CREBBP: variants seen among roughly 807,000 people sequenced by gnomAD.
CREBBP encodes the protein CREB-binding protein.
A neutral mutation model predicts 265.0 loss-of-function variants in CREBBP; 19 were observed. The observed-to-expected ratio is 0.07, with a 90% CI of 0.05 to 0.11. The LOEUF is 0.11. CREBBP is among the 10% of genes least tolerant of loss of function. The pLI, the probability that CREBBP is intolerant of heterozygous loss-of-function variation, is 1.00. For missense variants in CREBBP, 2,525 were observed against 3,219.0 expected (o/e 0.78, Z 5.22); for synonymous variants, 1,457 against 1,223.7 (o/e 1.19, Z -3.98).
intron 30 of CREBBP, among the ~76,000 whole-genome samples, chr16:3,730,325 A>C (rs1283777295): frequency 6.6e-6 from 1 of 152,162 alleles, no homozygotes; most frequent in Non-Finnish European, 1.5e-5. Context: ...CAAACTATGA[A>C]GCCAGACAGT....
chr16:3,793,249 G>A (rs1425710149), intron 4 of CREBBP, 137 bp downstream of exon 4: 16 of 1,174,950 alleles, frequency 1.4e-5, no homozygotes, highest in African/African-American at 6.0e-5. Context: ...GAACGTGAGC[G>A]CAACATGTCT....
At chr16:3,751,674 A>C in intron 20 of CREBBP, 52 bp downstream of exon 20, 1 of 1,559,616 alleles carries the variant, frequency 6.4e-7, no homozygotes, top group African/African-American at 1.4e-5. Context: ...AGGAAAAAAC[A>C]ATTTAAGGTC....
chr16:3,731,061 G>A lies in CREBBP; in HGVS notation c.5172+131C>T, dbSNP rs143358704. 1.9e-3 allele frequency: 1,809 copies of A among 938,998 alleles called. 7 individuals are homozygous for A. The highest frequency in any genetic ancestry group is 2.4e-3 in the Non-Finnish European group (1,430 of 600,866). The allele number at this position is 938,998 out of a possible 1,614,324, so 58.2% of individuals were successfully genotyped here. ...GCAACGCCTTCTGCCTTGTGACGCT[G>A]TCCTAGTTCTGGAGGAGTCAGTGCA... On this transcript the variant is annotated intron_variant, in intron 30 of 30. Transcript: ENST00000262367. This position sits in a 1 kb window ranked among gnomAD's most constrained non-coding sequence, Gnocchi z 7.7.
Position 3,736,621 on chromosome 16 carries a change from A to C in CREBBP, c.4560+29T>G, listed in dbSNP as rs763015168. The C allele has an allele frequency of 3.7e-6, 6 of 1,614,102 alleles. No homozygotes were observed. In the Admixed American group the frequency reaches 5.0e-5, roughly 13 times the overall value. On this transcript the variant is annotated intron_variant, in intron 27 of 30. Coordinates refer to ENST00000262367, the MANE Select transcript of CREBBP (RefSeq NM_004380.3). ...ATATCCTCCCCTCAGTTGTGACAAA[A>C]GCCACCACCTTCCTTCAGCGCCGGG...
intron 2 of CREBBP, among the ~76,000 whole-genome samples, chr16:3,845,653 A>T (rs2054651121): frequency 6.6e-6 from 1 of 152,172 alleles, no homozygotes; most frequent in Non-Finnish European, 1.5e-5. Flanking sequence ...TGGGAGGCTG[A>T]GGTGGGTGGA....
At chr16:3,829,963 A>T (rs964332208) in intron 2 of CREBBP, among the ~76,000 whole-genome samples, 9 of 152,230 alleles carry the variant, frequency 5.9e-5, no homozygotes, top group African/African-American at 1.9e-4. Flanking sequence ...GAAAACAAAT[A>T]AGATGAGAAA....
chr16:3,774,879 G>A, intron 11 of CREBBP, 186 bp from the exon 12 acceptor site: 2 of 777,794 alleles, frequency 2.6e-6, no homozygotes, highest in Non-Finnish European at 4.2e-6. Flanking sequence ...AGAGAAAACG[G>A]CATCAATGTG....
In CREBBP at chr16:3,822,241, C is replaced by T. The variant is rs139225527; in HGVS notation, c.799-11462G>A. On this transcript the variant is annotated intron_variant, in intron 2 of 30. Transcript: ENST00000262367. ...CACCTTTTTCCACGGATCTACACTCCACTCACTCATAAAAAGGGACGTCAA... is the reference window on the plus strand; with the variant it reads ...CACCTTTTTCCACGGATCTACACTCTACTCACTCATAAAAAGGGACGTCAA... Among the ~76,000 whole-genome samples, 448 of 152,188 alleles carry T rather than the reference C, an allele frequency of 2.9e-3. 2 individuals are homozygous for T. Among genetic ancestry groups the T allele is most frequent in the African/African-American group, 9.1e-3 (379 of 41,500 alleles).
chr16:3,773,012 C>T (rs1216018787), intron 13 of CREBBP, among the ~76,000 whole-genome samples: 1 of 151,612 alleles, frequency 6.6e-6, no homozygotes, highest in Non-Finnish European at 1.5e-5. Context: ...CGCTTGAACC[C>T]GGGAGGCGGA....
intron 20 of CREBBP, 69 bp from the exon 21 acceptor site, chr16:3,749,752 T>C (rs1466115644): frequency 9.9e-7 from 1 of 1,005,092 alleles, no homozygotes; most frequent in Non-Finnish European, 1.5e-6. Context: ...CTATAGGGTC[T>C]CTGGAATGTT....
At chr16:3,820,388 A>G (rs989723854) in intron 2 of CREBBP, among the ~76,000 whole-genome samples, 1 of 152,200 alleles carries the variant, frequency 6.6e-6, no homozygotes, top group Non-Finnish European at 1.5e-5. Flanking sequence ...CTGGGGCAGG[A>G]GAGTTGGGCT....
chr16:3,760,227 GA>G (rs2052681720), intron 16 of CREBBP, among the ~76,000 whole-genome samples: 1 of 151,854 alleles, frequency 6.6e-6, no homozygotes, highest in Non-Finnish European at 1.5e-5. Context: ...GAGTAACTGG[GA>G]CTACAGGTGT....
chr16:3,771,040 A>G (rs2141205306), intron 13 of CREBBP, 54 bp from the exon 14 acceptor site: 2 of 1,597,340 alleles, frequency 1.3e-6, no homozygotes, highest in Non-Finnish European at 8.6e-7. Context: ...TGAAAATGTG[A>G]TGAAACATTT....
At chr16:3,771,081 T>G in intron 13 of CREBBP, 95 bp from the exon 14 acceptor site, 1 of 1,429,788 alleles carries the variant, frequency 7.0e-7, no homozygotes, top group Non-Finnish European at 9.6e-7. Context: ...AAAAAATTTT[T>G]TTTTTTGAGA....
At chr16:3,842,710 A>G (rs376723528) in intron 2 of CREBBP, among the ~76,000 whole-genome samples, 25 of 152,234 alleles carry the variant, frequency 1.6e-4, no homozygotes, top group Admixed American at 3.3e-4. Flanking sequence ...CATGCCTGTA[A>G]CCTCAGCACT....
chr16:3,763,679 G>C (rs1212815283), intron 16 of CREBBP, among the ~76,000 whole-genome samples: 6 of 152,046 alleles, frequency 3.9e-5, no homozygotes, highest in African/African-American at 1.2e-4. Flanking sequence ...GGCCAGGCTG[G>C]TCTGGAACTC....
At chr16:3,826,354 T>C (rs968100629) in intron 2 of CREBBP, among the ~76,000 whole-genome samples, 2 of 152,176 alleles carry the variant, frequency 1.3e-5, no homozygotes, top group African/African-American at 2.4e-5. Context: ...GTAGACACTT[T>C]GCCTAAAGAA....
intron 19 of CREBBP, among the ~76,000 whole-genome samples, chr16:3,752,446 T>A (rs991647472): frequency 6.7e-5 from 10 of 148,572 alleles, no homozygotes; most frequent in Non-Finnish European, 1.2e-4. Flanking sequence ...CTGATTTTAA[T>A]TTTTTCCTGT....
intron 26 of CREBBP, among the ~76,000 whole-genome samples, chr16:3,737,327 G>A (rs947829954): frequency 2.0e-5 from 3 of 152,194 alleles, no homozygotes; most frequent in African/African-American, 7.2e-5. Context: ...GACAGCATAC[G>A]CTGCAGGGTT....
Sources: allele counts gnomAD v4.1 joint callset (sites outside exome capture counted in the v4.1 genomes callset), GRCh38; gene constraint gnomAD v4.1.1; non-coding constraint Gnocchi (gnomAD v3.1); transcripts MANE v1.5; gene names NCBI Gene and HGNC (gene_info 2026-07-23, HGNC 2026-07-21).